ADAMTS12: variants seen among roughly 807,000 people sequenced by gnomAD.
ADAMTS12 encodes ADAM metallopeptidase with thrombospondin type 1 motif 12, also known as A disintegrin and metalloproteinase with thrombospondin motifs 12.
In ADAMTS12, 118 loss-of-function variants were observed where a neutral mutation model predicts 167.8. The observed-to-expected ratio is 0.70, with a 90% CI of 0.61 to 0.82. The LOEUF (loss-of-function observed/expected upper bound fraction) is 0.82, where lower values mean the gene tolerates loss of function less well. Among genes scored for constraint, ADAMTS12 ranks in the 40% least tolerant of loss-of-function variants. The pLI, the probability that ADAMTS12 is intolerant of heterozygous loss-of-function variation, is 0.00. For missense variants in ADAMTS12, 1,916 were observed against 1,998.8 expected, an observed-to-expected ratio of 0.96 and a Z score of 0.79; for synonymous variants, 704 against 716.9, an observed-to-expected ratio of 0.98 and a Z score of 0.29.
intron 2 of ADAMTS12, among the ~76,000 whole-genome samples, chr5:33,807,679 AC>A (rs1747291474): frequency 6.6e-6 from 1 of 152,216 alleles, no homozygotes; most frequent in African/African-American, 2.4e-5. Flanking sequence ...TAATTAATTC[AC>A]CCAGAAATAT....
At chr5:33,535,498 A>G (rs923582383) in intron 22 of ADAMTS12, among the ~76,000 whole-genome samples, 11 of 152,190 alleles carry the variant, frequency 7.2e-5, no homozygotes, top group Admixed American at 7.2e-4. Context: ...AAGTAGAATG[A>G]GTGAAAACCA....
At chr5:33,579,432 G>A (rs532392125) in intron 18 of ADAMTS12, among the ~76,000 whole-genome samples, 1 of 152,220 alleles carries the variant, frequency 6.6e-6, no homozygotes, top group African/African-American at 2.4e-5. Context: ...AACATAATAG[G>A]AAACGCTTCT....
intron 2 of ADAMTS12, among the ~76,000 whole-genome samples, chr5:33,853,446 C>T (rs1185223366): frequency 1.3e-5 from 2 of 152,156 alleles, no homozygotes; most frequent in African/African-American, 4.8e-5. Context: ...TAAGAGCTAT[C>T]CATGCCAAAG....
chr5:33,583,152 T>G (rs1026068771), intron 18 of ADAMTS12, among the ~76,000 whole-genome samples: 4 of 152,206 alleles, frequency 2.6e-5, no homozygotes, highest in Non-Finnish European at 5.9e-5. Flanking sequence ...CGCTACTGTT[T>G]CTAGCCTCTA....
intron 2 of ADAMTS12, among the ~76,000 whole-genome samples, chr5:33,858,793 T>C (rs886372744): frequency 2.6e-5 from 4 of 152,096 alleles, no homozygotes; most frequent in Non-Finnish European, 5.9e-5. Flanking sequence ...GATTTCTTCA[T>C]TTCCAACTGA....
chr5:33,597,980 A>G (rs1183839022), intron 16 of ADAMTS12, among the ~76,000 whole-genome samples: 1 of 152,196 alleles, frequency 6.6e-6, no homozygotes, highest in African/African-American at 2.4e-5. Flanking sequence ...AGCAAAGGTA[A>G]GTGTGCTTAG....
intron 2 of ADAMTS12, among the ~76,000 whole-genome samples, chr5:33,809,824 T>C (rs553761876): frequency 1.3e-5 from 2 of 151,892 alleles, no homozygotes; most frequent in African/African-American, 4.8e-5. Context: ...ACGTGGAGCA[T>C]GCTGGAGAGA....
At chr5:33,808,896 C>T (rs896433091) in intron 2 of ADAMTS12, among the ~76,000 whole-genome samples, 5 of 152,176 alleles carry the variant, frequency 3.3e-5, no homozygotes, top group African/African-American at 1.2e-4. Flanking sequence ...TGCCCCTTGA[C>T]CCTCTGTTTC....
chr5:33,719,272 C>G lies in ADAMTS12; in HGVS notation c.634+32132G>C, dbSNP rs765216851. ...GAAAAAGATAGATGCTAAGAAAATACAGAGTGCAGTCATGAAGGGAGCGCT... is the reference window on the plus strand; with the variant it reads ...GAAAAAGATAGATGCTAAGAAAATAGAGAGTGCAGTCATGAAGGGAGCGCT... On this transcript the variant is annotated intron_variant, in intron 3 of 23. Transcript: ENST00000504830. Among the ~76,000 whole-genome samples the G allele has an allele frequency of 7.9e-5, 12 of 152,198 alleles. 1 individual carries two copies. Among genetic ancestry groups the G allele is most frequent in the South Asian group, 2.1e-4 (1 of 4,820 alleles).
At position 33,597,911 on chromosome 5, in the gene ADAMTS12, C is replaced by T. The variant is rs986281423; in HGVS notation, c.2528-1851G>A. Among the ~76,000 whole-genome samples the T allele has an allele frequency of 2.0e-5, 3 of 152,060 alleles. No individual in the cohort carries two copies. In the East Asian group the frequency reaches 5.8e-4, roughly 29 times the overall value. The stretch of plus-strand genomic sequence containing the variant: ...CTTGATGTCAAAACATGAAAAGGAC[C>T]GTCAGATGACTGTAACAGGTTGGAA... On this transcript the variant is annotated intron_variant, in intron 16 of 23. Coordinates refer to ENST00000504830, the MANE Select transcript of ADAMTS12 (RefSeq NM_030955.4).
chr5:33,559,214 T>C (rs1274052833), intron 20 of ADAMTS12, among the ~76,000 whole-genome samples: 2 of 152,156 alleles, frequency 1.3e-5, no homozygotes, highest in Non-Finnish European at 2.9e-5. Context: ...CTCTTTCTTT[T>C]CCTTTCTCCT....
chr5:33,870,939 G>A (rs940838094), intron 2 of ADAMTS12, among the ~76,000 whole-genome samples: 7 of 152,128 alleles, frequency 4.6e-5, no homozygotes, highest in Admixed American at 3.9e-4. Flanking sequence ...GTGGAACTAT[G>A]AGCCAGTTAA....
At chr5:33,707,530 T>A (rs1012832671) in intron 3 of ADAMTS12, among the ~76,000 whole-genome samples, 1 of 152,182 alleles carries the variant, frequency 6.6e-6, no homozygotes, top group Non-Finnish European at 1.5e-5. Context: ...GCTGGAGGCA[T>A]CATGGTACCT....
Position 33,614,401 on chromosome 5 carries a change from T to C in ADAMTS12, c.2389-25A>G, listed in dbSNP as rs1162647857. 8 of 1,612,630 alleles carry C rather than the reference T, an allele frequency of 5.0e-6. No individual in the cohort carries two copies. In the Admixed American group the frequency reaches 6.7e-5, roughly 13 times the overall value. ...GCTAAAAGGCAAGAGAGGGGTCATG[T>C]CAAACTGTCATGACTTTATACCATA... On this transcript the variant is annotated intron_variant, in intron 15 of 23. Transcript: ENST00000504830.
chr5:33,682,280 G>A (rs1742151979), intron 5 of ADAMTS12, among the ~76,000 whole-genome samples: 1 of 152,206 alleles, frequency 6.6e-6, no homozygotes, highest in Non-Finnish European at 1.5e-5. Flanking sequence ...GGGGAATGGA[G>A]GTGGCAGAAC....
At chr5:33,768,918 G>A (rs993513362) in intron 2 of ADAMTS12, among the ~76,000 whole-genome samples, 1 of 152,078 alleles carries the variant, frequency 6.6e-6, no homozygotes, top group Non-Finnish European at 1.5e-5. Flanking sequence ...ACATGGTAAA[G>A]GGGAATTAAG....
At chr5:33,677,745 T>C (rs1741973278) in intron 5 of ADAMTS12, among the ~76,000 whole-genome samples, 1 of 152,200 alleles carries the variant, frequency 6.6e-6, no homozygotes, top group East Asian at 1.9e-4. Context: ...TCTTGGCCCA[T>C]GGTTTCTTAA....
intron 9 of ADAMTS12, among the ~76,000 whole-genome samples, chr5:33,647,480 C>T (rs1045084476): frequency 1.3e-5 from 2 of 152,106 alleles, no homozygotes; most frequent in Non-Finnish European, 2.9e-5. Flanking sequence ...CTTGTAATCC[C>T]AGCACTTTGG....
At chr5:33,570,404 G>C (rs1746263582) in intron 19 of ADAMTS12, among the ~76,000 whole-genome samples, 1 of 152,188 alleles carries the variant, frequency 6.6e-6, no homozygotes, top group Admixed American at 6.5e-5. Context: ...TCTCTCGGCA[G>C]AAACTCTACA....
Sources: gnomAD v4.1 joint callset for allele counts (sites outside exome capture counted in the v4.1 genomes callset) on GRCh38, gnomAD v4.1.1 for gene constraint, MANE v1.5 for transcripts, NCBI Gene and HGNC (gene_info 2026-07-23, HGNC 2026-07-21) for gene names.